The following DYNLT3 variants were observed in gnomAD, a reference collection of about 807,000 sequenced individuals.
DYNLT3 encodes the protein protein 91/23.
DYNLT3 carries 4 observed loss-of-function variants against 11.0 expected under a neutral mutation model. The observed-to-expected ratio is 0.36, with a 90% CI of 0.18 to 0.83. DYNLT3 has a LOEUF of 0.83. DYNLT3 is among the 40% of genes least tolerant of loss of function. The pLI is 0.47. For synonymous variants in DYNLT3, 37 were observed against 31.2 expected (o/e 1.18, Z -0.61); for missense variants, 91 against 91.1 (o/e 1.00, Z 0.01).
In DYNLT3 at chrX:37,843,306, TA is replaced by T. The variant is rs1240480435; in HGVS notation, c.73-1402del. ...TCTTGAGATCACCTTTCCTTAAGGA[TA>T]AAGTAAGAGCACTCATTTTTCTTTC... On this transcript the variant is annotated intron_variant, in intron 2 of 4. Transcript: ENST00000378578. Among the ~76,000 whole-genome samples the T allele has an allele frequency of 5.3e-5, 6 of 112,401 alleles. No homozygotes were observed. The East Asian group carries it at 1.7e-3, about 31-fold the overall frequency.
In DYNLT3 at chrX:37,840,534, A is replaced by C. The variant is rs1930121318; in HGVS notation, c.*41T>G. 1 of 1,134,426 alleles carries C rather than the reference A, an allele frequency of 8.8e-7. No homozygotes were observed. Among genetic ancestry groups the C allele is most frequent in the African/African-American group, 1.8e-5 (1 of 54,798 alleles). 93.5% of individuals were successfully genotyped at this position (1,134,426 alleles called of 1,213,427 possible). A position where few individuals can be genotyped will look rare whatever the true frequency, so the allele number is the denominator to read the frequency against. ...TCTTTTTGGAAAGGATACACTGACA[A>C]ATTCTTAAGTTAATGGCTTTAGCCC... On this transcript the variant is annotated 3_prime_UTR_variant, in exon 5 of 5. Transcript: ENST00000378578.
In DYNLT3 at chrX:37,846,996, C is replaced by T. The variant is rs1450850037; in HGVS notation, c.30+485G>A. 26 of 1,163,366 alleles carry T rather than the reference C, an allele frequency of 2.2e-5. No individual in the cohort carries two copies. In the Admixed American group the frequency reaches 6.0e-4, roughly 27 times the overall value. On this transcript the variant is annotated intron_variant, in intron 1 of 4. Transcript: ENST00000378578. ...GAAAGCCTGAGTCAGTAAGCAAGGG[C>T]TCGTAATCCATAAAGCACCTCCTTG...
At position 37,841,189 on chromosome X, in the gene DYNLT3, C is replaced by A. The variant is rs878921465; in HGVS notation, c.197-84G>T. ...CAAAGTGTGTGAGTTCAGAGCTCTA[C>A]AAGCCGAAAACAAGACAAAAAACAA... On this transcript the variant is annotated intron_variant, in intron 3 of 4. Coordinates refer to ENST00000378578, the MANE Select transcript of DYNLT3 (RefSeq NM_006520.3). 3.7e-4 allele frequency: 289 copies of A among 777,063 alleles called. No homozygotes were observed. The highest frequency in any genetic ancestry group is 3.7e-3 in the Admixed American group (100 of 27,237). The allele number at this position is 777,063 out of a possible 1,213,427, so 64.0% of individuals were successfully genotyped here.
At chrX:37,842,758 G>C (rs1183539559) in intron 2 of DYNLT3, among the ~76,000 whole-genome samples, 2 of 111,875 alleles carry the variant, frequency 1.8e-5, no homozygotes, top group African/African-American at 6.5e-5. Flanking sequence ...GATGAAATGA[G>C]ACAATGAATA....
At chrX:37,844,308 T>C (rs889450218) in intron 2 of DYNLT3, among the ~76,000 whole-genome samples, 2 of 98,667 alleles carry the variant, frequency 2.0e-5, no homozygotes, top group Non-Finnish European at 3.8e-5. Context: ...AAGCTTAGAA[T>C]GAAGAGTTTC....
chrX:37,841,735 C>G, intron 3 of DYNLT3, 47 bp downstream of exon 3: 2 of 1,111,325 alleles, frequency 1.8e-6, no homozygotes, highest in Non-Finnish European at 2.4e-6. Flanking sequence ...GAGAAAATCA[C>G]AATGACAAAA....
rs2146833266 is a variant in DYNLT3, at chrX:37,840,465, A to C, written c.*110T>G. ...CAGTTTTTGTTGATAGCTTTAAAGC[A>C]TATTGCACGCTTTTCATCTAGCACA... On this transcript the variant is annotated 3_prime_UTR_variant, in exon 5 of 5. Transcript: ENST00000378578. 1.6e-6 allele frequency: 1 copy of C among 618,227 alleles called. No individual in the cohort carries two copies. Among genetic ancestry groups the C allele is most frequent in the Admixed American group, 4.6e-5 (1 of 21,599 alleles). 50.9% of individuals were successfully genotyped at this position (618,227 alleles called of 1,213,427 possible).
intron 2 of DYNLT3, among the ~76,000 whole-genome samples, chrX:37,845,406 C>T (rs7884387): frequency 0.015 from 1,663 of 111,818 alleles, 42 homozygotes; most frequent in African/African-American, 0.051. Context: ...CGGTCCCCTG[C>T]CAGAATTAAT....
intron 2 of DYNLT3, among the ~76,000 whole-genome samples, chrX:37,843,291 A>G (rs767582682): frequency 1.8e-5 from 2 of 112,321 alleles, no homozygotes; most frequent in African/African-American, 6.5e-5. Context: ...TCTTGAGATC[A>G]CCTTTCCTTA....
chrX:37,843,253 T>A (rs774237789), intron 2 of DYNLT3, among the ~76,000 whole-genome samples: 1 of 112,493 alleles, frequency 8.9e-6, no homozygotes, highest in South Asian at 3.7e-4. Context: ...ATTCCTAAGC[T>A]GGTGACCTTT....
chrX:37,841,619 T>C (rs1930161664), intron 3 of DYNLT3, among the ~76,000 whole-genome samples, 163 bp downstream of exon 3: 1 of 111,873 alleles, frequency 8.9e-6, no homozygotes, highest in South Asian at 3.8e-4. Flanking sequence ...TCTTCATCTT[T>C]TAAGTATTAT....
At chrX:37,846,938 C>A in intron 1 of DYNLT3, 1 of 1,094,312 alleles carries the variant, frequency 9.1e-7, no homozygotes, top group African/African-American at 1.8e-5. Flanking sequence ...AGGGAGATAA[C>A]AACTGACATC....
intron 2 of DYNLT3, among the ~76,000 whole-genome samples, chrX:37,845,218 C>A (rs1252241570): frequency 1.8e-5 from 2 of 112,106 alleles, no homozygotes; most frequent in Non-Finnish European, 3.8e-5. Context: ...ATTAAATACT[C>A]TCAGGCTACA....
At chrX:37,847,052 G>A (rs1315552043) in intron 1 of DYNLT3, 1 of 1,166,568 alleles carries the variant, frequency 8.6e-7, no homozygotes, top group East Asian at 3.3e-5. Flanking sequence ...CCGGGAGCGG[G>A]AATGGCAGTG....
intron 1 of DYNLT3, chrX:37,847,097 T>C: frequency 8.6e-7 from 1 of 1,163,175 alleles, no homozygotes; most frequent in Non-Finnish European, 1.1e-6. Context: ...CCATGGGGGC[T>C]GCAGCACCCG....
At chrX:37,846,219 C>A in intron 2 of DYNLT3, 98 bp downstream of exon 2, 3 of 828,830 alleles carry the variant, frequency 3.6e-6, no homozygotes, top group Non-Finnish European at 5.1e-6. Flanking sequence ...CTTCTTTTAA[C>A]AGTAAGGTTT....
chrX:37,839,700 A>G lies in DYNLT3; in HGVS notation c.*875T>C, dbSNP rs1204485560. 1 of 112,638 alleles carries G rather than the reference A, an allele frequency of 8.9e-6. No individual in the cohort carries two copies. Among genetic ancestry groups the G allele is most frequent in the African/African-American group, 3.2e-5 (1 of 30,980 alleles). 9.3% of individuals were successfully genotyped at this position (112,638 alleles called of 1,213,427 possible). ...CAGATTCACTTTTTTCCTCCCTTGT[A>G]AAACAACTACTTTCTTTTCCTTCCC... is the stretch of plus-strand genomic sequence containing the variant. On this transcript the variant is annotated 3_prime_UTR_variant, in exon 5 of 5. Transcript: ENST00000378578.
intron 2 of DYNLT3, among the ~76,000 whole-genome samples, chrX:37,843,784 A>T (rs770662954): frequency 9.6e-4 from 108 of 111,928 alleles, no homozygotes; most frequent in African/African-American, 3.4e-3. Flanking sequence ...AAATCAAAGG[A>T]AAGAAAATAA....
At chrX:37,840,960 T>C in intron 4 of DYNLT3, 68 bp downstream of exon 4, 1 of 1,057,065 alleles carries the variant, frequency 9.5e-7, no homozygotes, top group Non-Finnish European at 1.3e-6. Flanking sequence ...AATAAGTACT[T>C]GGTTAAAAAG....
Sources: allele counts gnomAD v4.1 joint callset (sites outside exome capture counted in the v4.1 genomes callset), GRCh38; gene constraint gnomAD v4.1.1; transcripts MANE v1.5; gene names NCBI Gene and HGNC (gene_info 2026-07-23, HGNC 2026-07-21).